PDGFD: variants seen among roughly 807,000 people sequenced by gnomAD.
PDGFD encodes the protein platelet derived growth factor D, also known as platelet-derived growth factor D.
A neutral mutation model predicts 44.7 loss-of-function variants in PDGFD; 30 were observed. The observed-to-expected ratio is 0.67, with a 90% confidence interval of 0.50 to 0.91. The LOEUF (loss-of-function observed/expected upper bound fraction) is 0.91, where lower values mean the gene tolerates loss of function less well. PDGFD is among the 40% of genes least tolerant of loss of function. PDGFD has a pLI of 0.00. For missense variants in PDGFD, 445 were observed against 457.8 expected, an observed-to-expected ratio of 0.97 and a Z score of 0.25; for synonymous variants, 173 against 168.4, an observed-to-expected ratio of 1.03 and a Z score of -0.21.
At chr11:104,137,488 T>A (rs976783001) in intron 1 of PDGFD, among the ~76,000 whole-genome samples, 3 of 152,100 alleles carry the variant, frequency 2.0e-5, no homozygotes, top group African/African-American at 7.2e-5. Context: ...TTTATCGTAT[T>A]GTTTCTAGAA....
intron 1 of PDGFD, among the ~76,000 whole-genome samples, chr11:104,014,378 AC>A (rs1223327198): frequency 1.3e-5 from 2 of 152,136 alleles, no homozygotes; most frequent in Non-Finnish European, 2.9e-5. Context: ...CACCTGCAGT[AC>A]CAGTGACTTG....
At chr11:103,992,978 G>C (rs759019310) in intron 3 of PDGFD, among the ~76,000 whole-genome samples, 1 of 152,144 alleles carries the variant, frequency 6.6e-6, no homozygotes, top group Non-Finnish European at 1.5e-5. Flanking sequence ...TATGAGAAGG[G>C]AGGTGAACTT....
At chr11:104,146,933 A>G (rs1017845435) in intron 1 of PDGFD, among the ~76,000 whole-genome samples, 4 of 152,202 alleles carry the variant, frequency 2.6e-5, no homozygotes, top group African/African-American at 9.6e-5. Flanking sequence ...ACATAAACAA[A>G]TGAAAATAAA....
chr11:104,053,176 A>T (rs1409716945), intron 1 of PDGFD, among the ~76,000 whole-genome samples: 1 of 152,152 alleles, frequency 6.6e-6, no homozygotes, highest in Non-Finnish European at 1.5e-5. Flanking sequence ...TCCTAATGAT[A>T]CCTTGGGGGA....
intron 1 of PDGFD, among the ~76,000 whole-genome samples, chr11:104,061,427 AC>A (rs1160540396): frequency 6.6e-6 from 1 of 152,178 alleles, no homozygotes; most frequent in Non-Finnish European, 1.5e-5. Flanking sequence ...ATATTTGAAC[AC>A]CCATCTAAAT....
At chr11:104,063,175 T>G (rs189408405) in intron 1 of PDGFD, among the ~76,000 whole-genome samples, 1 of 152,194 alleles carries the variant, frequency 6.6e-6, no homozygotes, top group African/African-American at 2.4e-5. Context: ...AGCAAAAGAT[T>G]TTGACGCCTT....
chr11:104,038,043 G>C, intron 1 of PDGFD: 1 of 1,576,138 alleles, frequency 6.3e-7, no homozygotes, highest in Non-Finnish European at 8.6e-7. Context: ...ACCACCTTGA[G>C]GGAGCCTCAG....
rs147873404 is a variant in PDGFD at position 104,157,300 on chromosome 11, T to A, written c.124+6504A>T. Among the ~76,000 whole-genome samples, 899 of 152,300 alleles carry A rather than the reference T, an allele frequency of 5.9e-3. 6 individuals are homozygous for A. The highest frequency in any genetic ancestry group is 0.019 in the African/African-American group (772 of 41,550). ...TGAAATGATTCCATCTGTATTCATG[T>A]GCCACAGGCAGCAGGGATATAGGAA... On this transcript the variant is annotated intron_variant, in intron 1 of 6. Transcript: ENST00000393158.
intron 1 of PDGFD, among the ~76,000 whole-genome samples, chr11:104,062,772 A>G (rs957365394): frequency 3.9e-5 from 6 of 152,244 alleles, no homozygotes; most frequent in Non-Finnish European, 7.3e-5. Flanking sequence ...TAAGGGAAGA[A>G]AACAAAAATG....
chr11:104,092,574 A>G lies in PDGFD; in HGVS notation c.124+71230T>C, dbSNP rs548864633. The stretch of plus-strand genomic sequence containing the variant: ...CACAGATTACTAGACATCTCTGCCA[A>G]AGGAAATTAAAACATGCCTCCAGAA... On this transcript the variant is annotated intron_variant, in intron 1 of 6. Coordinates refer to ENST00000393158, the MANE Select transcript of PDGFD (RefSeq NM_025208.5). Among the ~76,000 whole-genome samples the G allele has an allele frequency of 4.7e-4, 71 of 152,296 alleles. 1 individual carries two copies. In the Middle Eastern group the frequency reaches 0.017, roughly 36 times the overall value.
At chr11:104,099,297 AT>A (rs767519005) in intron 1 of PDGFD, among the ~76,000 whole-genome samples, 1 of 152,166 alleles carries the variant, frequency 6.6e-6, no homozygotes, top group Non-Finnish European at 1.5e-5. Flanking sequence ...ATCCTAAATA[AT>A]TTCTAGTTTT....
chr11:103,972,889 T>C (rs368923258), intron 3 of PDGFD, among the ~76,000 whole-genome samples: 2 of 152,194 alleles, frequency 1.3e-5, no homozygotes, highest in East Asian at 3.9e-4. Flanking sequence ...TTCAATGAAC[T>C]GGCCAATAGC....
chr11:104,127,441 G>C (rs1861856955), intron 1 of PDGFD, among the ~76,000 whole-genome samples: 1 of 152,154 alleles, frequency 6.6e-6, no homozygotes, highest in Non-Finnish European at 1.5e-5. Flanking sequence ...GATGAAGCCA[G>C]ATTCACTTTT....
At position 104,037,671 on chromosome 11, in the gene PDGFD, C is replaced by A. The variant is rs752716076; in HGVS notation, c.125-37416G>T. 1.4e-5 allele frequency: 23 copies of A among 1,613,968 alleles called. No individual in the cohort carries two copies. In the Admixed American group the frequency reaches 2.7e-4, roughly 19 times the overall value. ...GATGTAACATCATGAGGCTGGTGGA[C>A]CGACGGTGGGCTGGGGTTGCTAAAG... On this transcript the variant is annotated intron_variant, in intron 1 of 6. Coordinates refer to ENST00000393158, the MANE Select transcript of PDGFD (RefSeq NM_025208.5).
At chr11:104,042,549 C>A (rs1341076795) in intron 1 of PDGFD, among the ~76,000 whole-genome samples, 1 of 152,104 alleles carries the variant, frequency 6.6e-6, no homozygotes, top group African/African-American at 2.4e-5. Flanking sequence ...TTCTATATTT[C>A]AAATAAGTAA....
intron 1 of PDGFD, among the ~76,000 whole-genome samples, chr11:104,125,243 T>G (rs1861825211): frequency 6.6e-6 from 1 of 152,146 alleles, no homozygotes; most frequent in East Asian, 1.9e-4. Flanking sequence ...GAGTCTGAAT[T>G]TCCTGCTTAC....
At chr11:104,059,183 G>C (rs995657886) in intron 1 of PDGFD, among the ~76,000 whole-genome samples, 6 of 152,136 alleles carry the variant, frequency 3.9e-5, no homozygotes, top group Non-Finnish European at 8.8e-5. Flanking sequence ...TGGCAAAAAA[G>C]AGTATTTGGA....
At chr11:103,927,788 T>A (rs1858342069) in intron 5 of PDGFD, among the ~76,000 whole-genome samples, 1 of 152,218 alleles carries the variant, frequency 6.6e-6, no homozygotes, top group African/African-American at 2.4e-5. Context: ...CTGCCTTCAA[T>A]CACATCATGG....
At chr11:103,955,709 C>T (rs928894349) in intron 3 of PDGFD, among the ~76,000 whole-genome samples, 2 of 152,024 alleles carry the variant, frequency 1.3e-5, no homozygotes, top group African/African-American at 4.8e-5. Flanking sequence ...AGAGAATTTG[C>T]CTGTGAAATT....
Sources: gnomAD v4.1 joint callset for allele counts (sites outside exome capture counted in the v4.1 genomes callset) on GRCh38, gnomAD v4.1.1 for gene constraint, MANE v1.5 for transcripts, NCBI Gene and HGNC (gene_info 2026-07-23, HGNC 2026-07-21) for gene names.